EPC1: variants seen among roughly 807,000 people sequenced by gnomAD.
EPC1 encodes the protein enhancer of polycomb homolog 1.
In EPC1, 12 loss-of-function variants were observed where a neutral mutation model predicts 98.4. That is an observed-to-expected ratio of 0.12 (90% confidence interval 0.08 to 0.20). EPC1 has a LOEUF of 0.20. Ranked by LOEUF, EPC1 falls within the 10% of genes least tolerant of loss-of-function variation. EPC1 has a pLI of 1.00. For missense variants in EPC1, 729 were observed against 990.5 expected, an observed-to-expected ratio of 0.74 and a Z score of 3.54; for synonymous variants, 357 against 363.9, an observed-to-expected ratio of 0.98 and a Z score of 0.21.
chr10:32,337,987 C>T (rs760634231), intron 1 of EPC1, among the ~76,000 whole-genome samples: 21 of 152,208 alleles, frequency 1.4e-4, no homozygotes, highest in Non-Finnish European at 2.9e-4. Flanking sequence ...TCCTCTGAGT[C>T]CCAGAGCACA....
chr10:32,278,475 G>A (rs375039255), intron 10 of EPC1, among the ~76,000 whole-genome samples: 1,661 of 122,902 alleles, frequency 0.014, 37 homozygotes, highest in African/African-American at 0.049. Flanking sequence ...TCCGCCTCCC[G>A]GGTTCACGCC....
At chr10:32,355,032 TAGAA>T (rs1387659982) in intron 1 of EPC1, among the ~76,000 whole-genome samples, 3 of 152,182 alleles carry the variant, frequency 2.0e-5, no homozygotes, top group African/African-American at 7.2e-5. Flanking sequence ...GTAATAATAA[TAGAA>T]AGAAAGTGCA....
chr10:32,306,190 T>C (rs1249304156), intron 1 of EPC1, among the ~76,000 whole-genome samples: 1 of 152,132 alleles, frequency 6.6e-6, no homozygotes, highest in Non-Finnish European at 1.5e-5. Flanking sequence ...ATAAAGAGAT[T>C]CAAAATAGTT....
In EPC1 at chr10:32,329,003, G is replaced by A. The variant is rs73247731; in HGVS notation, c.153+17760C>T. ...TTGGGACTTCTGAGCTGGCTTCGCC[G>A]GGGGAGAGGAGTGTATTTTCTCTGT... On this transcript the variant is annotated intron_variant, in intron 1 of 13. Coordinates refer to ENST00000319778, the MANE Select transcript of EPC1 (RefSeq NM_001272004.3). 1.6e-3 allele frequency among the ~76,000 whole-genome samples: 239 copies of A among 152,296 alleles called. 3 individuals are homozygous for A. The East Asian group carries it at 0.038, about 24-fold the overall frequency.
chr10:32,327,227 T>C (rs1478373879), intron 1 of EPC1, among the ~76,000 whole-genome samples: 2 of 152,148 alleles, frequency 1.3e-5, no homozygotes, highest in Non-Finnish European at 2.9e-5. Context: ...ATCTCATTCA[T>C]ATGTGAAATC....
At chr10:32,356,873 CG>C in intron 1 of EPC1, among the ~76,000 whole-genome samples, 1 of 151,996 alleles carries the variant, frequency 6.6e-6, no homozygotes, top group Non-Finnish European at 1.5e-5. Context: ...AGTCCCAACT[CG>C]GGAGGCTGAG....
chr10:32,371,579 C>T (rs771139147), intron 1 of EPC1, among the ~76,000 whole-genome samples: 4 of 152,140 alleles, frequency 2.6e-5, no homozygotes, highest in African/African-American at 4.8e-5. Context: ...AAATTTTAAA[C>T]GTGATATTAA....
At chr10:32,300,345 T>G (rs113175577) in intron 2 of EPC1, among the ~76,000 whole-genome samples, 372 of 151,686 alleles carry the variant, frequency 2.5e-3, no homozygotes, top group African/African-American at 8.1e-3. Flanking sequence ...GCTGCACCCA[T>G]TAACTCGTCA....
At chr10:32,322,524 T>C (rs887003145) in intron 1 of EPC1, among the ~76,000 whole-genome samples, 1 of 152,224 alleles carries the variant, frequency 6.6e-6, no homozygotes. Flanking sequence ...AATTTGACCA[T>C]GCACTGTTCT....
intron 1 of EPC1, among the ~76,000 whole-genome samples, chr10:32,314,607 C>T (rs755865958): frequency 5.9e-5 from 9 of 152,198 alleles, no homozygotes; most frequent in Non-Finnish European, 1.3e-4. Flanking sequence ...TTTGCTTACA[C>T]CATGAAAAAC....
chr10:32,373,926 G>A (rs1463490658), intron 1 of EPC1, among the ~76,000 whole-genome samples: 1 of 152,134 alleles, frequency 6.6e-6, no homozygotes, highest in African/African-American at 2.4e-5. Flanking sequence ...ATGTTAGTAT[G>A]AAAGCAAACT....
chr10:32,279,489 A>G (rs1319975048), intron 10 of EPC1, among the ~76,000 whole-genome samples: 1 of 152,212 alleles, frequency 6.6e-6, no homozygotes, highest in African/African-American at 2.4e-5. Context: ...TTAAGATGTT[A>G]TGTTGCAAAC....
At chr10:32,306,779 T>C (rs1163269502) in intron 1 of EPC1, among the ~76,000 whole-genome samples, 1 of 152,104 alleles carries the variant, frequency 6.6e-6, no homozygotes, top group Non-Finnish European at 1.5e-5. Context: ...TTTGTGATAC[T>C]ACCAACTGCC....
At chr10:32,313,450 T>C (rs960091787) in intron 1 of EPC1, among the ~76,000 whole-genome samples, 2 of 152,116 alleles carry the variant, frequency 1.3e-5, no homozygotes, top group Non-Finnish European at 2.9e-5. Context: ...AATTGTACAG[T>C]GTAATAAAGT....
intron 1 of EPC1, among the ~76,000 whole-genome samples, chr10:32,373,791 T>C (rs377499444): frequency 2.6e-5 from 4 of 152,240 alleles, no homozygotes; most frequent in Non-Finnish European, 5.9e-5. Flanking sequence ...AGTATCTTAA[T>C]AACATTGTTG....
rs887134057 is a variant in EPC1, at chr10:32,302,846, C to A, written c.313+2926G>T. Among the ~76,000 whole-genome samples the A allele has an allele frequency of 1.5e-4, 23 of 152,208 alleles. No homozygotes were observed. The South Asian group carries it at 2.1e-3, about 14-fold the overall frequency. ...TAGGCTAGGATAAAAAATAGTGCAA[C>A]CCCCAGTGCTAGAGAGATATGGAGA... On this transcript the variant is annotated intron_variant, in intron 2 of 13. Coordinates refer to ENST00000319778, the MANE Select transcript of EPC1 (RefSeq NM_001272004.3).
At chr10:32,354,262 A>G (rs1839206533) in intron 1 of EPC1, among the ~76,000 whole-genome samples, 1 of 152,160 alleles carries the variant, frequency 6.6e-6, no homozygotes, top group Non-Finnish European at 1.5e-5. Flanking sequence ...TTTAACAACA[A>G]CAACAAAAAA....
At chr10:32,297,032 C>A (rs572035220) in intron 2 of EPC1, among the ~76,000 whole-genome samples, 1 of 152,202 alleles carries the variant, frequency 6.6e-6, no homozygotes, top group East Asian at 1.9e-4. Flanking sequence ...AAAAAACCCA[C>A]ACCCAACAAC....
intron 1 of EPC1, chr10:32,345,325 G>C (rs1838693485): frequency 2.0e-6 from 2 of 985,380 alleles, no homozygotes; most frequent in Non-Finnish European, 1.2e-6. Context: ...ACTCTCAAAA[G>C]TAACATTTCA....
Sources: gnomAD v4.1 joint callset for allele counts (sites outside exome capture counted in the v4.1 genomes callset) on GRCh38, gnomAD v4.1.1 for gene constraint, MANE v1.5 for transcripts, NCBI Gene and HGNC (gene_info 2026-07-23, HGNC 2026-07-21) for gene names.